The following RASGEF1C variants were observed in gnomAD, a reference collection of about 807,000 sequenced individuals.
The protein encoded by RASGEF1C is ras-GEF domain-containing family member 1C.
A neutral mutation model predicts 58.1 loss-of-function variants in RASGEF1C; 27 were observed. That is an observed-to-expected ratio of 0.46 (90% CI 0.34 to 0.64). The LOEUF is 0.64. Ranked by LOEUF, RASGEF1C falls within the 30% of genes least tolerant of loss-of-function variation. The pLI is 0.01. For missense variants in RASGEF1C, 502 were observed against 605.1 expected, an observed-to-expected ratio of 0.83 and a Z score of 1.79; for synonymous variants, 243 against 246.3, an observed-to-expected ratio of 0.99 and a Z score of 0.13.
chr5:180,136,554 C>T, intron 3 of RASGEF1C, 39 bp from the exon 4 acceptor site: 1 of 1,545,130 alleles, frequency 6.5e-7, no homozygotes, highest in Non-Finnish European at 8.7e-7. Flanking sequence ...GTGAGGGGCG[C>T]CGGGTGGGCA....
Position 180,198,956 on chromosome 5 carries a change from G to A in RASGEF1C, c.-7+10072C>T, listed in dbSNP as rs1385029570. On this transcript the variant is annotated intron_variant, in intron 1 of 13. Transcript: ENST00000361132. The surrounding 1 kb of genome is among the most constrained non-coding windows in gnomAD (Gnocchi z 4.5). ...GAAGTAGGAGAAAGCCCCCAGGAAG[G>A]ACTCCCAGAGGGTAGAAGGGAAACT... Among the ~76,000 whole-genome samples, 1 of 152,062 alleles carries A rather than the reference G, an allele frequency of 6.6e-6. No individual in the cohort carries two copies. The highest frequency in any genetic ancestry group is 6.5e-5 in the Admixed American group (1 of 15,270).
At chr5:180,138,094 G>A (rs1425032829) in intron 1 of RASGEF1C, 36 bp from the exon 2 acceptor site, 4 of 1,322,912 alleles carry the variant, frequency 3.0e-6, no homozygotes, top group Non-Finnish European at 4.1e-6. Flanking sequence ...CCTGAGTGGG[G>A]GCACACCTGA....
At chr5:180,115,077 T>C (rs1380420860) in intron 10 of RASGEF1C, among the ~76,000 whole-genome samples, 13 of 151,826 alleles carry the variant, frequency 8.6e-5, no homozygotes, top group Non-Finnish European at 1.3e-4. Flanking sequence ...TGCAATGGCG[T>C]GATCTCAGCT....
In RASGEF1C at chr5:180,137,611, C is replaced by G. The variant is rs1766505493; in HGVS notation, c.279G>C (p.Leu93=). The change falls in exon 3 of 14, where the codon CTG becomes CTC. Residue 93 remains leucine (L), a synonymous_variant. Coordinates refer to ENST00000361132, the MANE Select transcript of RASGEF1C (RefSeq NM_175062.4). The surrounding 1 kb of genome is among the most constrained non-coding windows in gnomAD (Gnocchi z 4.1). ...VCHLCIEQQQ[L]DKPVLDKARV... Reference sequence around the variant, plus strand: ...TCACCTTGTCCAGCACCGGCTTGTCCAGCTGCTGCTGCTCGATGCACAGGT... The same window carrying G: ...TCACCTTGTCCAGCACCGGCTTGTCGAGCTGCTGCTGCTCGATGCACAGGT... 1 of 1,608,340 alleles carries G rather than the reference C, an allele frequency of 6.2e-7. No homozygotes were observed. Among genetic ancestry groups the G allele is most frequent in the Non-Finnish European group, 8.5e-7 (1 of 1,178,638 alleles).
intron 6 of RASGEF1C, among the ~76,000 whole-genome samples, chr5:180,123,469 T>A (rs922038114): frequency 6.6e-6 from 1 of 152,180 alleles, no homozygotes. Flanking sequence ...ACTTAAAAAA[T>A]TTTTTGAAAT....
chr5:180,112,817 C>T (rs936531707), intron 11 of RASGEF1C, among the ~76,000 whole-genome samples: 2 of 151,886 alleles, frequency 1.3e-5, no homozygotes, highest in Non-Finnish European at 2.9e-5. Context: ...CTCAGGGACT[C>T]GGGTGCAGTG....
At chr5:180,105,084 A>C (rs1332586716) in intron 12 of RASGEF1C, among the ~76,000 whole-genome samples, 1 of 152,234 alleles carries the variant, frequency 6.6e-6, no homozygotes, top group African/African-American at 2.4e-5. Flanking sequence ...CTGCAGTTTG[A>C]GATGCAACAG....
chr5:180,144,598 C>A (rs1338462577), intron 1 of RASGEF1C, among the ~76,000 whole-genome samples: 1 of 152,030 alleles, frequency 6.6e-6, no homozygotes, highest in Non-Finnish European at 1.5e-5. Context: ...GTGACTGCAC[C>A]ACTGCACTCC....
At chr5:180,136,307 C>A in intron 4 of RASGEF1C, 71 bp downstream of exon 4, 3 of 1,438,940 alleles carry the variant, frequency 2.1e-6, no homozygotes, top group Non-Finnish European at 2.8e-6. Context: ...CCCTGGGGTG[C>A]GGGCCGGGAA....
intron 12 of RASGEF1C, among the ~76,000 whole-genome samples, chr5:180,106,800 T>C (rs1437428818): frequency 6.6e-6 from 1 of 152,242 alleles, no homozygotes; most frequent in East Asian, 1.9e-4. Context: ...TTGATGATAT[T>C]GTTGAGTTCT....
chr5:180,190,191 C>CA (rs1249081425), intron 1 of RASGEF1C, among the ~76,000 whole-genome samples: 4 of 151,626 alleles, frequency 2.6e-5, no homozygotes, highest in African/African-American at 9.7e-5. Context: ...TCTGTCTCTA[C>CA]AAAAAATAAT....
intron 1 of RASGEF1C, among the ~76,000 whole-genome samples, chr5:180,173,097 A>G (rs746408666): frequency 1.3e-5 from 2 of 152,184 alleles, no homozygotes; most frequent in African/African-American, 2.4e-5. Flanking sequence ...TGCAGTTGAC[A>G]AGCCGCCTGG....
chr5:180,138,159 T>G, intron 1 of RASGEF1C, 101 bp from the exon 2 acceptor site: 1 of 665,102 alleles, frequency 1.5e-6, no homozygotes, highest in Non-Finnish European at 2.4e-6. Context: ...CTGGGCAGGC[T>G]CCCCCCACAG....
In RASGEF1C at chr5:180,150,746, T is replaced by C. The variant is rs1766732472; in HGVS notation, c.-6-12688A>G. On this transcript the variant is annotated intron_variant, in intron 1 of 13. Transcript: ENST00000361132. ...TCAGGCAGAAGAAGGAAATAAAGGG[T>C]ATTCAATTAGGAAAAAAGGAAGTCA... Among the ~76,000 whole-genome samples, 4 of 152,116 alleles carry C rather than the reference T, an allele frequency of 2.6e-5. No individual in the cohort carries two copies. In the South Asian group the frequency reaches 8.3e-4, roughly 32 times the overall value.
rs565078180 is a variant in RASGEF1C, at chr5:180,173,786, G to A, written c.-7+35242C>T. 2.2e-3 allele frequency among the ~76,000 whole-genome samples: 330 copies of A among 152,134 alleles called. 5 individuals are homozygous for A. The South Asian group carries it at 0.041, about 19-fold the overall frequency. ...AAATTAGCTGGGCGTGGTGGTGGGC[G>A]CCTGTAATCCCAGCTGCTAGGGAGG... On this transcript the variant is annotated intron_variant, in intron 1 of 13. Transcript: ENST00000361132.
intron 1 of RASGEF1C, among the ~76,000 whole-genome samples, chr5:180,190,572 G>A (rs1756146228): frequency 6.9e-6 from 1 of 145,420 alleles, no homozygotes; most frequent in Admixed American, 6.7e-5. Flanking sequence ...CCAACTACTT[G>A]GGGGGCTGTA....
chr5:180,140,804 A>G (rs539786902), intron 1 of RASGEF1C, among the ~76,000 whole-genome samples: 53 of 152,330 alleles, frequency 3.5e-4, no homozygotes, highest in Admixed American at 6.5e-4. Context: ...GCAGGATGCA[A>G]TCGGCAGAGA....
rs1288014700 is a variant in RASGEF1C, at chr5:180,156,456, T to C, written c.-6-18398A>G. ...GTGGGAACCAAGCGCTGGACCTCTG[T>C]GATAAAGAACTGTTATCGAAAATAT... On this transcript the variant is annotated intron_variant, in intron 1 of 13. Transcript: ENST00000361132. The surrounding 1 kb of genome is among the most constrained non-coding windows in gnomAD (Gnocchi z 4.9). Among the ~76,000 whole-genome samples the C allele has an allele frequency of 1.3e-5, 2 of 152,184 alleles. No individual in the cohort carries two copies. Among genetic ancestry groups the C allele is most frequent in the Non-Finnish European group, 2.9e-5 (2 of 68,050 alleles).
chr5:180,129,831 C>T (rs1766333423), intron 4 of RASGEF1C, among the ~76,000 whole-genome samples: 1 of 152,136 alleles, frequency 6.6e-6, no homozygotes, highest in African/African-American at 2.4e-5. Context: ...CCCTTGAGGA[C>T]ATGAGGATGT....
Sources: allele counts gnomAD v4.1 joint callset (sites outside exome capture counted in the v4.1 genomes callset), GRCh38; gene constraint gnomAD v4.1.1; non-coding constraint Gnocchi (gnomAD v3.1); transcripts MANE v1.5; gene names NCBI Gene and HGNC (gene_info 2026-07-23, HGNC 2026-07-21).